SF3B1: variants seen among roughly 807,000 people sequenced by gnomAD.
SF3B1 encodes the protein splicing factor 3b subunit 1.
SF3B1 carries 12 observed loss-of-function variants against 153.8 expected under a neutral mutation model. The observed-to-expected ratio is 0.08, with a 90% CI of 0.05 to 0.13. The LOEUF is 0.13. Ranked by LOEUF, SF3B1 falls within the 10% of genes least tolerant of loss-of-function variation. The pLI, the probability that SF3B1 is intolerant of heterozygous loss-of-function variation, is 1.00. For missense variants in SF3B1, 513 were observed against 1,606.1 expected (o/e 0.32, Z 11.63); for synonymous variants, 498 against 525.2 (o/e 0.95, Z 0.71).
At chr2:197,425,582 C>G (rs1163056358) in intron 1 of SF3B1, among the ~76,000 whole-genome samples, 1 of 152,094 alleles carries the variant, frequency 6.6e-6, no homozygotes, top group Non-Finnish European at 1.5e-5. Flanking sequence ...CTCCCACCCC[C>G]CCAGCTAAGG....
intron 4 of SF3B1, chr2:197,418,867 T>A (rs2106008303): frequency 6.4e-7 from 1 of 1,567,854 alleles, no homozygotes. Context: ...AAGTGATGGG[T>A]TCCTGGGTTG....
At chr2:197,392,490 C>G (rs2105973926) in intron 24 of SF3B1, 29 bp from the exon 25 acceptor site, 2 of 1,037,164 alleles carry the variant, frequency 1.9e-6, no homozygotes, top group Non-Finnish European at 2.8e-6. Flanking sequence ...TACATTATTT[C>G]AATTTTTAAG....
intron 12 of SF3B1, among the ~76,000 whole-genome samples, chr2:197,403,273 C>A (rs748647738): frequency 2.6e-5 from 4 of 151,992 alleles, no homozygotes; most frequent in South Asian, 2.1e-4. Context: ...ACTTATACAC[C>A]CTATGAACAT....
At chr2:197,421,240 G>T in intron 2 of SF3B1, 107 bp from the exon 3 acceptor site, 1 of 707,396 alleles carries the variant, frequency 1.4e-6, no homozygotes, top group Non-Finnish European at 2.5e-6. Flanking sequence ...TTGACAGTGT[G>T]ATGTCTAAGC....
At chr2:197,413,333 G>A (rs1214367355) in intron 6 of SF3B1, among the ~76,000 whole-genome samples, 1 of 152,148 alleles carries the variant, frequency 6.6e-6, no homozygotes, top group Non-Finnish European at 1.5e-5. Flanking sequence ...TCTGGGAGGC[G>A]GAGATTGCAA....
chr2:197,415,559 A>AT (rs1455611777), intron 6 of SF3B1, among the ~76,000 whole-genome samples: 9 of 151,978 alleles, frequency 5.9e-5, no homozygotes, highest in Non-Finnish European at 1.3e-4. Flanking sequence ...CAGCCGCTTT[A>AT]TTTTTCTAGC....
intron 1 of SF3B1, among the ~76,000 whole-genome samples, chr2:197,434,515 G>A (rs2085491112): frequency 6.6e-6 from 1 of 152,232 alleles, no homozygotes; most frequent in African/African-American, 2.4e-5. Context: ...ACAAGGGTAG[G>A]AGTAACGGAA....
chr2:197,403,060 C>T (rs1294701157), intron 12 of SF3B1, 25 bp from the exon 13 acceptor site: 2 of 1,500,908 alleles, frequency 1.3e-6, no homozygotes, highest in African/African-American at 2.8e-5. Context: ...AGAGAAGAAG[C>T]TACACTTTCA....
intron 6 of SF3B1, among the ~76,000 whole-genome samples, chr2:197,416,152 G>C (rs925209096): frequency 6.6e-6 from 1 of 151,764 alleles, no homozygotes; most frequent in Non-Finnish European, 1.5e-5. Flanking sequence ...AAAAAGGTAG[G>C]AGAGTAGACT....
chr2:197,396,939 T>C (rs1472498635), intron 22 of SF3B1, among the ~76,000 whole-genome samples: 3 of 152,174 alleles, frequency 2.0e-5, no homozygotes, highest in African/African-American at 7.2e-5. Context: ...AATGAGTATG[T>C]GTTAGGGGAG....
At chr2:197,411,827 G>A (rs1014206758) in intron 6 of SF3B1, among the ~76,000 whole-genome samples, 1 of 152,124 alleles carries the variant, frequency 6.6e-6, no homozygotes, top group Non-Finnish European at 1.5e-5. Context: ...GCTGGGCATG[G>A]TGGTTCATGC....
intron 23 of SF3B1, among the ~76,000 whole-genome samples, chr2:197,395,008 CTATT>C (rs932885709): frequency 1.3e-5 from 2 of 152,072 alleles, no homozygotes; most frequent in African/African-American, 2.4e-5. Flanking sequence ...CTTGTTTTTC[CTATT>C]TATTTTAATA....
chr2:197,425,579 C>CA (rs1355232935), intron 1 of SF3B1, among the ~76,000 whole-genome samples: 2 of 152,108 alleles, frequency 1.3e-5, no homozygotes, highest in Non-Finnish European at 2.9e-5. Context: ...AACCTCCCAC[C>CA]CCCCCAGCTA....
At chr2:197,415,981 A>ATTT (rs35479143) in intron 6 of SF3B1, among the ~76,000 whole-genome samples, 1 of 136,412 alleles carries the variant, frequency 7.3e-6, no homozygotes, top group Non-Finnish European at 1.6e-5. Flanking sequence ...TGCCCAGCTA[A>ATTT]TTTTTTTTTT....
rs112090330 is a variant in SF3B1, at chr2:197,397,201, C to T, written c.3266+784G>A. The stretch of plus-strand genomic sequence containing the variant: ...TGTTTTTTTTAGAGACAGGGTCTCG[C>T]CCTGTCGCCCAGGTGCCCAGATGCC... On this transcript the variant is annotated intron_variant, in intron 22 of 24. Transcript: ENST00000335508. Among the ~76,000 whole-genome samples the T allele has an allele frequency of 2.6e-4, 40 of 152,198 alleles. 2 individuals are homozygous for T. The highest frequency in any genetic ancestry group is 9.4e-4 in the African/African-American group (39 of 41,526).
intron 6 of SF3B1, 56 bp from the exon 7 acceptor site, chr2:197,410,063 T>C (rs2085045290): frequency 8.0e-7 from 1 of 1,244,570 alleles, no homozygotes; most frequent in Non-Finnish European, 1.1e-6. Context: ...AATTAGAAAA[T>C]TTCCATAAAA....
intron 2 of SF3B1, among the ~76,000 whole-genome samples, chr2:197,423,394 A>G (rs1574552025): frequency 6.6e-6 from 1 of 151,988 alleles, no homozygotes; most frequent in Non-Finnish European, 1.5e-5. Context: ...AAAGATAAGA[A>G]AAGAAAATCC....
rs1321168501 is a variant in SF3B1 at position 197,400,660 on chromosome 2, T to C, written c.2718+55A>G. 10 of 1,364,204 alleles carry C rather than the reference T, an allele frequency of 7.3e-6. No homozygotes were observed. The highest frequency in any genetic ancestry group is 2.9e-5 in the African/African-American group (2 of 68,524). 84.5% of individuals were successfully genotyped at this position (1,364,204 alleles called of 1,614,324 possible). On this transcript the variant is annotated intron_variant, in intron 18 of 24. Coordinates refer to ENST00000335508, the MANE Select transcript of SF3B1 (RefSeq NM_012433.4). This position sits in a 1 kb window ranked among gnomAD's most constrained non-coding sequence, Gnocchi z 5.0. ...AGAAAAATTTGCTTGACAACTAATA[T>C]GCTTTTCTACAAATATTAAAGTTAG...
intron 10 of SF3B1, 26 bp downstream of exon 10, chr2:197,405,245 TAATA>T: frequency 6.3e-7 from 1 of 1,596,518 alleles, no homozygotes; most frequent in Non-Finnish European, 8.6e-7. Flanking sequence ...GGAACACAAT[TAATA>T]GTTTATTTCT....
Sources: allele counts gnomAD v4.1 joint callset (sites outside exome capture counted in the v4.1 genomes callset), GRCh38; gene constraint gnomAD v4.1.1; non-coding constraint Gnocchi (gnomAD v3.1); transcripts MANE v1.5; gene names NCBI Gene and HGNC (gene_info 2026-07-23, HGNC 2026-07-21).